Variants in AUH observed in about 807,000 individuals in gnomAD.
AUH encodes AU RNA binding methylglutaconyl-CoA hydratase.
In AUH, 29 loss-of-function variants were observed where a neutral mutation model predicts 42.3. That is an observed-to-expected ratio of 0.69 (90% confidence interval 0.51 to 0.93). The LOEUF (loss-of-function observed/expected upper bound fraction) is 0.93. Among genes scored for constraint, AUH ranks in the 40% least tolerant of loss-of-function variants. The probability of loss-of-function intolerance (pLI) is 0.00; values close to 1 mark genes in which losing one functional copy is unlikely to be tolerated. For missense variants in AUH, 452 were observed against 438.1 expected, an observed-to-expected ratio of 1.03 and a Z score of -0.28; for synonymous variants, 174 against 166.4, an observed-to-expected ratio of 1.05 and a Z score of -0.35.
At chr9:91,273,152 C>A (rs891972587) in intron 6 of AUH, among the ~76,000 whole-genome samples, 3 of 152,098 alleles carry the variant, frequency 2.0e-5, no homozygotes, top group African/African-American at 7.2e-5. Context: ...GGACTGAAGC[C>A]CCAAGCCACA....
At chr9:91,331,249 G>C (rs1830303324) in intron 3 of AUH, among the ~76,000 whole-genome samples, 1 of 152,206 alleles carries the variant, frequency 6.6e-6, no homozygotes, top group Non-Finnish European at 1.5e-5. Context: ...AGAAAGTACA[G>C]ACGGGTATTA....
At chr9:91,237,600 T>G (rs562759932) in intron 6 of AUH, among the ~76,000 whole-genome samples, 2 of 152,314 alleles carry the variant, frequency 1.3e-5, no homozygotes, top group South Asian at 2.1e-4. Flanking sequence ...GAAATCATAA[T>G]TAACTTATAG....
intron 6 of AUH, among the ~76,000 whole-genome samples, chr9:91,261,983 CA>C (rs1338830468): frequency 6.6e-6 from 1 of 151,930 alleles, no homozygotes; most frequent in African/African-American, 2.4e-5. Flanking sequence ...CTTGAATAAC[CA>C]AAAATGACTA....
At chr9:91,284,762 A>G (rs1826263485) in intron 6 of AUH, among the ~76,000 whole-genome samples, 1 of 152,212 alleles carries the variant, frequency 6.6e-6, no homozygotes, top group Non-Finnish European at 1.5e-5. Context: ...ACAATGAGAT[A>G]CCATCTCACA....
At chr9:91,234,560 T>C (rs1290312846) in intron 6 of AUH, among the ~76,000 whole-genome samples, 1 of 152,136 alleles carries the variant, frequency 6.6e-6, no homozygotes, top group Admixed American at 6.5e-5. Context: ...AGCTATTAGT[T>C]TTCTTTCTCT....
intron 6 of AUH, among the ~76,000 whole-genome samples, chr9:91,223,365 C>G (rs550275954): frequency 6.6e-6 from 1 of 152,166 alleles, no homozygotes; most frequent in Non-Finnish European, 1.5e-5. Flanking sequence ...GCGTAATGTC[C>G]TCAAGATTCA....
chr9:91,225,898 G>A (rs1827433243), intron 6 of AUH, among the ~76,000 whole-genome samples: 1 of 151,488 alleles, frequency 6.6e-6, no homozygotes. Context: ...TTTTATGGCT[G>A]CATAGTATTC....
intron 4 of AUH, among the ~76,000 whole-genome samples, chr9:91,317,009 A>G (rs1457123699): frequency 6.6e-6 from 1 of 152,212 alleles, no homozygotes; most frequent in Non-Finnish European, 1.5e-5. Context: ...GCCATTCCCC[A>G]GCGATCTGCA....
intron 6 of AUH, among the ~76,000 whole-genome samples, chr9:91,251,804 T>C (rs1201148211): frequency 1.3e-5 from 2 of 150,238 alleles, no homozygotes; most frequent in Non-Finnish European, 3.0e-5. Context: ...GATTATGTAA[T>C]TATAATGTGG....
intron 6 of AUH, among the ~76,000 whole-genome samples, chr9:91,237,126 G>C (rs1156544184): frequency 6.6e-6 from 1 of 152,190 alleles, no homozygotes; most frequent in Non-Finnish European, 1.5e-5. Flanking sequence ...ATAATGTGAT[G>C]AAAATAAACA....
At chr9:91,329,444 T>C (rs578211726) in intron 3 of AUH, among the ~76,000 whole-genome samples, 2 of 152,202 alleles carry the variant, frequency 1.3e-5, no homozygotes, top group Non-Finnish European at 2.9e-5. Context: ...CCCATTCTAG[T>C]GAGTGTGAAG....
intron 6 of AUH, 116 bp downstream of exon 6, chr9:91,295,905 A>G: frequency 8.5e-7 from 1 of 1,170,484 alleles, no homozygotes; most frequent in Non-Finnish European, 1.3e-6. Flanking sequence ...GATGCAAACA[A>G]TATGCCATTG....
At chr9:91,264,680 C>T (rs1829877659) in intron 6 of AUH, among the ~76,000 whole-genome samples, 1 of 152,162 alleles carries the variant, frequency 6.6e-6, no homozygotes, top group East Asian at 1.9e-4. Context: ...ACTTTGGGAG[C>T]CCACGGCAGG....
intron 6 of AUH, among the ~76,000 whole-genome samples, chr9:91,289,760 T>C (rs896741450): frequency 2.0e-5 from 3 of 152,028 alleles, no homozygotes; most frequent in African/African-American, 7.3e-5. Context: ...CAAAAATATC[T>C]ATGGATAAAA....
At chr9:91,361,409 G>A (rs1832841394) in intron 1 of AUH, among the ~76,000 whole-genome samples, 1 of 152,196 alleles carries the variant, frequency 6.6e-6, no homozygotes, top group South Asian at 2.1e-4. Context: ...CAGGTAAGCT[G>A]CTCGGGGGTA....
chr9:91,263,022 T>C (rs1225216063), intron 6 of AUH, among the ~76,000 whole-genome samples: 1 of 152,198 alleles, frequency 6.6e-6, no homozygotes, highest in East Asian at 1.9e-4. Context: ...TGTTGCTGTG[T>C]TTTAAGATGG....
intron 3 of AUH, among the ~76,000 whole-genome samples, chr9:91,330,033 G>T (rs1242877207): frequency 6.6e-6 from 1 of 152,028 alleles, no homozygotes; most frequent in African/African-American, 2.4e-5. Context: ...GGATTGAAAG[G>T]TATAATAAAA....
chr9:91,299,723 A>G (rs1434992534), intron 4 of AUH, among the ~76,000 whole-genome samples: 1 of 152,226 alleles, frequency 6.6e-6, no homozygotes, highest in Non-Finnish European at 1.5e-5. Flanking sequence ...AGTTAAACTG[A>G]GTCCTTCCCA....
At chr9:91,318,002 A>C (rs560393296) in intron 4 of AUH, among the ~76,000 whole-genome samples, 4 of 152,314 alleles carry the variant, frequency 2.6e-5, no homozygotes, top group Non-Finnish European at 4.4e-5. Flanking sequence ...GCTGGATTTC[A>C]TGTATGCTCA....
Sources: allele counts gnomAD v4.1 joint callset (sites outside exome capture counted in the v4.1 genomes callset), GRCh38; gene constraint gnomAD v4.1.1; transcripts MANE v1.5; gene names NCBI Gene and HGNC (gene_info 2026-07-23, HGNC 2026-07-21).